The following DAPK1 variants were observed in gnomAD, a reference collection of about 807,000 sequenced individuals.
DAPK1 encodes death associated protein kinase 1, also known as death-associated protein kinase 1.
In DAPK1, 56 loss-of-function variants were observed where a neutral mutation model predicts 144.9. The observed-to-expected ratio is 0.39, with a 90% CI of 0.31 to 0.48. The LOEUF (loss-of-function observed/expected upper bound fraction) is 0.48, where lower values mean the gene tolerates loss of function less well. Among genes scored for constraint, DAPK1 ranks in the 20% least tolerant of loss-of-function variants. DAPK1 has a pLI of 0.95. For synonymous variants in DAPK1, 690 were observed against 749.0 expected (o/e 0.92, Z 1.29); for missense variants, 1,454 against 1,875.4 (o/e 0.78, Z 4.15).
chr9:87,568,547 C>T (rs1347262776), intron 2 of DAPK1, among the ~76,000 whole-genome samples: 2 of 152,088 alleles, frequency 1.3e-5, no homozygotes, highest in African/African-American at 2.4e-5. Context: ...GCTCTGGGTC[C>T]CCCAGCTTCA....
chr9:87,620,919 A>G (rs1038251720), intron 3 of DAPK1, among the ~76,000 whole-genome samples: 1 of 152,050 alleles, frequency 6.6e-6, no homozygotes, highest in African/African-American at 2.4e-5. Flanking sequence ...TGATTGGCCT[A>G]ATTATTTCTG....
At chr9:87,643,315 C>G (rs1809888998) in intron 10 of DAPK1, 61 bp from the exon 11 acceptor site, 1 of 1,014,444 alleles carries the variant, frequency 9.9e-7, no homozygotes, top group African/African-American at 1.6e-5. Context: ...GTCTCTCCTC[C>G]TCTCACCCTG....
At chr9:87,683,552 T>C (rs371620247) in intron 20 of DAPK1, among the ~76,000 whole-genome samples, 1 of 152,138 alleles carries the variant, frequency 6.6e-6, no homozygotes, top group Non-Finnish European at 1.5e-5. Flanking sequence ...CTGGAAAGTT[T>C]GCAAGGCCTA....
chr9:87,534,793 T>C (rs1217360889), intron 2 of DAPK1, among the ~76,000 whole-genome samples: 1 of 151,990 alleles, frequency 6.6e-6, no homozygotes, highest in Non-Finnish European at 1.5e-5. Flanking sequence ...TATAGGCACG[T>C]GCCACCACGC....
At chr9:87,630,824 G>C (rs889001239) in intron 3 of DAPK1, among the ~76,000 whole-genome samples, 1 of 152,160 alleles carries the variant, frequency 6.6e-6, no homozygotes, top group African/African-American at 2.4e-5. Context: ...AGGATGAACA[G>C]AGTCTTGTTA....
chr9:87,695,633 C>G (rs34002097), intron 21 of DAPK1, among the ~76,000 whole-genome samples: 11,410 of 152,212 alleles, frequency 0.075, 1,465 homozygotes, highest in African/African-American at 0.26. Context: ...AGGACCCCAC[C>G]TCCTCCCAGA....
rs777839295 is a variant in DAPK1 at position 87,697,105 on chromosome 9, G to A, written c.2512G>A (p.Val838Ile). Residue 838 changes from valine to isoleucine, a missense_variant, in exon 22 of 26, where the codon GTT becomes ATT. Physicochemically the swap from Val to Ile is conservative, Grantham distance 29. Transcript: ENST00000408954. ...AAATGATCCCACGTCAATCCATGTT[G>A]TTGTCTTTAGTCTAGAAGAGCCCTA... ...AANDPTSIHV[V>I]VFSLEEPYEI... is the part of the protein sequence containing the mutation. 6.4e-7 allele frequency: 1 copy of A among 1,553,034 alleles called. No homozygotes were observed. Among genetic ancestry groups the A allele is most frequent in the Admixed American group, 1.7e-5 (1 of 59,942 alleles).
At chr9:87,574,706 G>C (rs988460191) in intron 2 of DAPK1, among the ~76,000 whole-genome samples, 2 of 152,208 alleles carry the variant, frequency 1.3e-5, no homozygotes, top group African/African-American at 4.8e-5. Flanking sequence ...AATACCTGAA[G>C]TCAGGAGTTT....
At chr9:87,620,796 C>T (rs1037397921) in intron 3 of DAPK1, among the ~76,000 whole-genome samples, 4 of 152,166 alleles carry the variant, frequency 2.6e-5, no homozygotes, top group Non-Finnish European at 4.4e-5. Context: ...AAAAACCCAT[C>T]TATGGCTCTC....
intron 25 of DAPK1, among the ~76,000 whole-genome samples, chr9:87,704,214 A>C (rs1825555390): frequency 6.6e-6 from 1 of 152,236 alleles, no homozygotes; most frequent in Non-Finnish European, 1.5e-5. Context: ...GGAAGAACAC[A>C]GGTGAAGGAC....
rs373581155 is a variant in DAPK1 at position 87,688,577 on chromosome 9, C to T, written c.2413+1838C>T. Among the ~76,000 whole-genome samples the T allele has an allele frequency of 4.6e-5, 7 of 152,300 alleles. 2 individuals are homozygous for T. The highest frequency in any genetic ancestry group is 1.2e-4 in the African/African-American group (5 of 41,554). On this transcript the variant is annotated intron_variant, in intron 21 of 25. Transcript: ENST00000408954. ...ACGTATAGGTGTTCTCTTTTCTTCA[C>T]GCCCTCACCAGCATCTCTTGTTTTT...
At chr9:87,544,530 G>A (rs1203508969) in intron 2 of DAPK1, among the ~76,000 whole-genome samples, 5 of 152,268 alleles carry the variant, frequency 3.3e-5, no homozygotes, top group African/African-American at 9.6e-5. Flanking sequence ...ACGTAAATAT[G>A]CATATAAGTA....
At chr9:87,615,092 C>T (rs140169548) in intron 3 of DAPK1, among the ~76,000 whole-genome samples, 5 of 152,318 alleles carry the variant, frequency 3.3e-5, no homozygotes, top group East Asian at 3.9e-4. Context: ...CTTCCCAAGA[C>T]GTCCTTGAGC....
At chr9:87,622,216 T>C (rs572662101) in intron 3 of DAPK1, among the ~76,000 whole-genome samples, 1 of 152,176 alleles carries the variant, frequency 6.6e-6, no homozygotes, top group East Asian at 1.9e-4. Context: ...CCCTATCCCC[T>C]GTGGAAACAA....
intron 2 of DAPK1, among the ~76,000 whole-genome samples, chr9:87,516,947 C>T (rs775369944): frequency 2.0e-5 from 3 of 152,148 alleles, no homozygotes; most frequent in Non-Finnish European, 4.4e-5. Flanking sequence ...GAAGGGGAGC[C>T]TGTACCATGC....
chr9:87,569,733 T>A (rs11141895), intron 2 of DAPK1, among the ~76,000 whole-genome samples: 43,404 of 151,892 alleles, frequency 0.29, 6,531 homozygotes, highest in East Asian at 0.49. Context: ...CTACGAGAGG[T>A]CTTCCAGTCC....
intron 21 of DAPK1, among the ~76,000 whole-genome samples, chr9:87,690,225 GGTTAA>G (rs1329684335): frequency 2.4e-4 from 37 of 151,928 alleles, no homozygotes; most frequent in African/African-American, 6.3e-4. Context: ...TCACCTCTTT[GGTTAA>G]ATTTATTCCT....
intron 2 of DAPK1, among the ~76,000 whole-genome samples, chr9:87,522,865 A>T (rs1051778198): frequency 2.6e-5 from 4 of 152,330 alleles, no homozygotes; most frequent in Non-Finnish European, 2.9e-5. Context: ...GCATGTTTTC[A>T]AGTATGTTTA....
intron 2 of DAPK1, chr9:87,525,178 G>A: frequency 1.4e-6 from 1 of 713,740 alleles, no homozygotes; most frequent in Non-Finnish European, 2.4e-6. Flanking sequence ...GTGTCTTCCT[G>A]TGTGTTTGGA....
Sources: gnomAD v4.1 joint callset for allele counts (sites outside exome capture counted in the v4.1 genomes callset) on GRCh38, gnomAD v4.1.1 for gene constraint, MANE v1.5 for transcripts, NCBI Gene and HGNC (gene_info 2026-07-23, HGNC 2026-07-21) for gene names.